STIM2: variants seen among roughly 807,000 people sequenced by gnomAD.
STIM2 encodes stromal interaction molecule 2.
Under a neutral mutation model 85.8 loss-of-function variants are expected in STIM2, and 31 were observed. That is an observed-to-expected ratio of 0.36 (90% CI 0.27 to 0.49). The LOEUF is 0.49. STIM2 is among the 20% of genes least tolerant of loss of function. The pLI is 0.98. For synonymous variants in STIM2, 356 were observed against 331.1 expected, an observed-to-expected ratio of 1.08 and a Z score of -0.82; for missense variants, 841 against 927.6, an observed-to-expected ratio of 0.91 and a Z score of 1.21.
intron 2 of STIM2, among the ~76,000 whole-genome samples, chr4:26,935,249 T>G (rs944132821): frequency 6.6e-6 from 1 of 152,172 alleles, no homozygotes; most frequent in Non-Finnish European, 1.5e-5. Context: ...GTGTAAGGTA[T>G]TTTGGTCTTC....
intron 2 of STIM2, among the ~76,000 whole-genome samples, chr4:26,948,304 G>C (rs1265823561): frequency 2.6e-5 from 4 of 152,152 alleles, no homozygotes; most frequent in Non-Finnish European, 5.9e-5. Context: ...ATTCATATTG[G>C]TTCTAATAGT....
intron 10 of STIM2, 112 bp downstream of exon 10, chr4:27,009,114 CT>C (rs1398214820): frequency 1.2e-6 from 1 of 818,262 alleles, no homozygotes; most frequent in Non-Finnish European, 2.0e-6. Context: ...TGGGTTTATC[CT>C]TCATTTTCTC....
intron 3 of STIM2, among the ~76,000 whole-genome samples, chr4:26,986,622 A>G (rs1727595980): frequency 6.6e-6 from 1 of 152,228 alleles, no homozygotes; most frequent in Non-Finnish European, 1.5e-5. Flanking sequence ...AGCAAGGCAC[A>G]CAAATTCTCT....
chr4:27,013,506 T>C (rs1028565839), intron 10 of STIM2, among the ~76,000 whole-genome samples: 1 of 152,024 alleles, frequency 6.6e-6, no homozygotes, highest in Non-Finnish European at 1.5e-5. Flanking sequence ...ATTCTTTCAT[T>C]CCATTCTTTT....
chr4:26,986,200 T>C (rs1727580343), intron 3 of STIM2, among the ~76,000 whole-genome samples: 1 of 152,216 alleles, frequency 6.6e-6, no homozygotes, highest in South Asian at 2.1e-4. Context: ...TTTTGAGTTT[T>C]ATGAGAGGAT....
At chr4:26,946,247 C>A (rs2109085148) in intron 2 of STIM2, among the ~76,000 whole-genome samples, 1 of 152,188 alleles carries the variant, frequency 6.6e-6, no homozygotes, top group East Asian at 1.9e-4. Context: ...GAATGAAACT[C>A]AATTCTGACC....
intron 1 of STIM2, among the ~76,000 whole-genome samples, chr4:26,876,816 A>G (rs1318918057): frequency 3.3e-5 from 5 of 152,084 alleles, no homozygotes; most frequent in Non-Finnish European, 7.4e-5. Context: ...TTTCTGTTTT[A>G]GACTATTTGA....
intron 3 of STIM2, among the ~76,000 whole-genome samples, chr4:26,976,304 C>G (rs1727190809): frequency 6.6e-6 from 1 of 151,622 alleles, no homozygotes; most frequent in African/African-American, 2.4e-5. Context: ...ATTGGAAATG[C>G]AGAAATCACC....
intron 1 of STIM2, among the ~76,000 whole-genome samples, chr4:26,865,688 A>AT (rs960252803): frequency 3.6e-4 from 55 of 152,136 alleles, no homozygotes; most frequent in Non-Finnish European, 7.8e-4. Context: ...ATAATAAGCC[A>AT]TTTTTTGACA....
intron 2 of STIM2, among the ~76,000 whole-genome samples, chr4:26,955,365 A>G (rs183911589): frequency 2.0e-5 from 3 of 148,064 alleles, no homozygotes; most frequent in Non-Finnish European, 4.5e-5. Flanking sequence ...ATTGTCTTTA[A>G]TATATATTAC....
At chr4:26,975,385 C>T (rs546560446) in intron 3 of STIM2, among the ~76,000 whole-genome samples, 1 of 152,318 alleles carries the variant, frequency 6.6e-6, no homozygotes, top group East Asian at 1.9e-4. Context: ...GTTTTATCTA[C>T]TTTTGGTCTT....
chr4:26,887,319 T>C (rs941003567), intron 1 of STIM2, among the ~76,000 whole-genome samples: 3 of 152,078 alleles, frequency 2.0e-5, no homozygotes, highest in African/African-American at 7.2e-5. Flanking sequence ...AGATGTATCT[T>C]GCTAATAATC....
intron 1 of STIM2, among the ~76,000 whole-genome samples, chr4:26,890,620 C>T (rs961867074): frequency 2.6e-5 from 4 of 151,890 alleles, no homozygotes; most frequent in African/African-American, 7.3e-5. Flanking sequence ...GTCAGGAGAT[C>T]GAGACCATCC....
rs778636017 is a variant in STIM2 at position 27,017,861 on chromosome 4, C to A, written c.1640C>A (p.Pro547Gln). Residue 547 changes from proline (P) to glutamine (Q), a missense_variant, in exon 11 of 12, where the codon CCG (proline) becomes CAG (glutamine). Pro to Gln is a moderately conservative substitution (Grantham distance 76). Around this residue, in one of 3 missense-constraint regions of STIM2, gnomAD observed 293 missense variants for 284.5 expected, o/e 1.03. Coordinates refer to ENST00000467087, the MANE Select transcript of STIM2 (RefSeq NM_020860.4). ...TCACACCCTCGGCACCCTCACCACC[C>A]GCAACACACACCACACTCCTTGCCT... 6.2e-7 allele frequency: 1 copy of A among 1,614,160 alleles called. No homozygotes were observed. The highest frequency in any genetic ancestry group is 1.1e-5 in the South Asian group (1 of 91,074).
intron 10 of STIM2, among the ~76,000 whole-genome samples, chr4:27,012,883 T>A (rs1728605494): frequency 6.6e-6 from 1 of 152,114 alleles, no homozygotes; most frequent in South Asian, 2.1e-4. Context: ...TATTAAATTT[T>A]ACCAAATTAT....
chr4:26,889,556 G>A (rs1723385310), intron 1 of STIM2, among the ~76,000 whole-genome samples: 1 of 152,190 alleles, frequency 6.6e-6, no homozygotes, highest in South Asian at 2.1e-4. Context: ...CATGATGGCA[G>A]TGGTCCAATA....
chr4:26,942,673 A>G (rs1488563608), intron 2 of STIM2, among the ~76,000 whole-genome samples: 3 of 152,194 alleles, frequency 2.0e-5, no homozygotes, highest in African/African-American at 2.4e-5. Flanking sequence ...TTTTAAAGCA[A>G]TTTTTTAAAA....
chr4:27,009,626 G>GCACTCAGAA (rs1274349199), intron 10 of STIM2, among the ~76,000 whole-genome samples: 1 of 152,172 alleles, frequency 6.6e-6, no homozygotes, highest in Non-Finnish European at 1.5e-5. Flanking sequence ...GAGTGAGGCG[G>GCACTCAGAA]CACTCAACTC....
At chr4:26,869,162 T>G (rs563574788) in intron 1 of STIM2, among the ~76,000 whole-genome samples, 2 of 152,034 alleles carry the variant, frequency 1.3e-5, no homozygotes, top group South Asian at 4.2e-4. Flanking sequence ...CTGGGCGTGA[T>G]GATGTGCGCC....
Sources: gnomAD v4.1 joint callset for allele counts (sites outside exome capture counted in the v4.1 genomes callset) on GRCh38, gnomAD v4.1.1 for gene constraint, gnomAD v4.1.1 regional missense constraint, MANE v1.5 for transcripts, NCBI Gene and HGNC (gene_info 2026-07-23, HGNC 2026-07-21) for gene names.